The following GTF3C3 variants were observed in gnomAD, a reference collection of about 807,000 sequenced individuals.
GTF3C3 encodes the protein general transcription factor 3C polypeptide 3.
A neutral mutation model predicts 105.2 loss-of-function variants in GTF3C3; 75 were observed. The observed-to-expected ratio is 0.71, with a 90% confidence interval of 0.59 to 0.86. The LOEUF (loss-of-function observed/expected upper bound fraction) is 0.86. GTF3C3 is among the 40% of genes least tolerant of loss of function. The probability of loss-of-function intolerance (pLI) is 0.00; values close to 1 mark genes in which losing one functional copy is unlikely to be tolerated. For missense variants in GTF3C3, 856 were observed against 1,076.5 expected, an observed-to-expected ratio of 0.80 and a Z score of 2.87; for synonymous variants, 335 against 370.4, an observed-to-expected ratio of 0.90 and a Z score of 1.10.
At position 196,775,394 on chromosome 2, in the gene GTF3C3, C is replaced by A. The variant is rs1699243478; in HGVS notation, c.1696-143G>T. On this transcript the variant is annotated intron_variant, in intron 12 of 17. Coordinates refer to ENST00000263956, the MANE Select transcript of GTF3C3 (RefSeq NM_012086.5). The stretch of plus-strand genomic sequence containing the variant: ...CCTTAGCCTCGCAAGTAGCTGGGAC[C>A]ACAGGCACATGCCACCATACCCAGC... 4.4e-5 allele frequency: 26 copies of A among 588,418 alleles called. No homozygotes were observed. In the South Asian group the frequency reaches 8.3e-4, roughly 19 times the overall value. The allele number at this position is 588,418 out of a possible 1,614,324, so 36.4% of individuals were successfully genotyped here. A position where few individuals can be genotyped will look rare whatever the true frequency, so the allele number is the denominator to read the frequency against.
In GTF3C3 at chr2:196,785,479, G is replaced by T; in HGVS notation, c.1003C>A (p.Leu335Ile). 6.2e-7 allele frequency: 1 copy of T among 1,610,372 alleles called. No homozygotes were observed. The highest frequency in any genetic ancestry group is 8.5e-7 in the Non-Finnish European group (1 of 1,177,512). Residue 335 changes from leucine (L) to isoleucine (I), a missense_variant, in exon 7 of 18, where the codon CTA becomes ATA. This residue lies in a region of GTF3C3 where 605 missense variants were observed against 833.6 expected (regional missense o/e 0.73). Transcript: ENST00000263956. ...SMEDVNIAAE[L>I]YISNKQYDKA... Reference sequence around the variant, plus strand: ...TCATACTGTTTGTTAGAAATATATAGTTCAGCTGCTATGTTAACATCTTCC... The same window carrying T: ...TCATACTGTTTGTTAGAAATATATATTTCAGCTGCTATGTTAACATCTTCC...
At position 196,785,529 on chromosome 2, in the gene GTF3C3, G is replaced by T; in HGVS notation, c.953C>A (p.Ser318Ter). ...SAINIIDEAF[S>*]KHQGLVSMED... ...CATGGAGACTAGGCCCTGGTGTTTT[G>T]AGAAAGCTTCATCAATTATGTTAAT... Residue 318 changes from serine to a stop codon, truncating the protein, a stop_gained, in exon 7 of 18, where the codon TCA becomes TAA. Coordinates refer to ENST00000263956, the MANE Select transcript of GTF3C3 (RefSeq NM_012086.5). LOFTEE classifies it high-confidence loss of function. The T allele has an allele frequency of 6.2e-7, 1 of 1,608,200 alleles. No individual in the cohort carries two copies. The highest frequency in any genetic ancestry group is 1.1e-5 in the South Asian group (1 of 90,858).
intron 9 of GTF3C3, chr2:196,780,216 T>TC: frequency 1.7e-6 from 1 of 582,194 alleles, no homozygotes; most frequent in Non-Finnish European, 2.0e-6. Context: ...TGCTAAGTAC[T>TC]TTTTTTTTTT....
intron 4 of GTF3C3, among the ~76,000 whole-genome samples, chr2:196,791,017 A>T (rs1699538368): frequency 6.6e-6 from 1 of 152,316 alleles, no homozygotes; most frequent in East Asian, 1.9e-4. Context: ...TGCATGATCT[A>T]GAAAAGAAAA....
chr2:196,776,231 T>A lies in GTF3C3; in HGVS notation c.1594-120A>T. On this transcript the variant is annotated intron_variant, in intron 11 of 17. Coordinates refer to ENST00000263956, the MANE Select transcript of GTF3C3 (RefSeq NM_012086.5). This position sits in a 1 kb window ranked among gnomAD's most constrained non-coding sequence, Gnocchi z 4.5. The stretch of plus-strand genomic sequence containing the variant: ...ATTGCTTTATGGTCTTTCACAATAA[T>A]TAAGAGCCAATATTTTAAAACTATA... 1.4e-6 allele frequency: 1 copy of A among 697,244 alleles called. No homozygotes were observed. Among genetic ancestry groups the A allele is most frequent in the Middle Eastern group, 3.6e-4 (1 of 2,794 alleles). The allele number at this position is 697,244 out of a possible 1,614,324, so 43.2% of individuals were successfully genotyped here. A position where few individuals can be genotyped will look rare whatever the true frequency, so the allele number is the denominator to read the frequency against.
Position 196,775,247 on chromosome 2 carries a change from G to A in GTF3C3, c.1700C>T (p.Ala567Val). The A allele has an allele frequency of 1.3e-6, 2 of 1,597,904 alleles. No homozygotes were observed. Among genetic ancestry groups the A allele is most frequent in the Non-Finnish European group, 1.7e-6 (2 of 1,174,242 alleles). Residue 567 changes from alanine to valine, a missense_variant, in exon 13 of 18, where the codon GCA (alanine) becomes GTA (valine). Ala to Val is a moderately conservative substitution (Grantham distance 64). Transcript: ENST00000263956. ...CAAACAAACTTGGGCTCGATTCATT[G>A]CTACCTGAATTAAAGATGAAGATTT... ...LTMLAMLLKV[A>V]MNRAQVCLIS...
At chr2:196,795,939 A>G (rs999573228) in intron 2 of GTF3C3, among the ~76,000 whole-genome samples, 1 of 152,238 alleles carries the variant, frequency 6.6e-6, no homozygotes, top group South Asian at 2.1e-4. Flanking sequence ...TGCTGAACAC[A>G]AAGTCAATAT....
intron 10 of GTF3C3, chr2:196,778,485 C>T: frequency 5.6e-6 from 1 of 179,944 alleles, no homozygotes; most frequent in East Asian, 1.5e-4. Context: ...TGATAAAACC[C>T]AATTTTGAGT....
rs146721977 is a variant in GTF3C3 at position 196,787,471 on chromosome 2, C to A, written c.893+1733G>T. ...CCTCTCTGCACTGCTCCCCTTAATT[C>A]TTCAGCTTCCCTAACCATACTTTGC... On this transcript the variant is annotated intron_variant, in intron 6 of 17. Coordinates refer to ENST00000263956, the MANE Select transcript of GTF3C3 (RefSeq NM_012086.5). Among the ~76,000 whole-genome samples, 288 of 152,284 alleles carry A rather than the reference C, an allele frequency of 1.9e-3. 2 individuals are homozygous for A. Among genetic ancestry groups the A allele is most frequent in the African/African-American group, 6.4e-3 (268 of 41,562 alleles).
chr2:196,771,705 C>A, intron 15 of GTF3C3, 43 bp downstream of exon 15: 1 of 1,378,432 alleles, frequency 7.3e-7, no homozygotes, highest in Non-Finnish European at 1.0e-6. Flanking sequence ...GGCTCTTCAC[C>A]ACACTATTTA....
At chr2:196,784,544 A>C (rs1339848554) in intron 8 of GTF3C3, among the ~76,000 whole-genome samples, 1 of 152,186 alleles carries the variant, frequency 6.6e-6, no homozygotes, top group Non-Finnish European at 1.5e-5. Context: ...AAATTGCTTC[A>C]GTGCTAAAAG....
chr2:196,773,925 G>C (rs187287922), intron 13 of GTF3C3, among the ~76,000 whole-genome samples: 4 of 152,342 alleles, frequency 2.6e-5, no homozygotes, highest in African/African-American at 9.6e-5. Context: ...CCTGCTGTGC[G>C]GCCCAGTCCC....
chr2:196,783,990 A>G (rs1461719350), intron 8 of GTF3C3, among the ~76,000 whole-genome samples: 1 of 152,138 alleles, frequency 6.6e-6, no homozygotes, highest in Non-Finnish European at 1.5e-5. Context: ...CTTACTCTCT[A>G]TGAATTAGCA....
rs1699102560 is a variant in GTF3C3 at position 196,768,124 on chromosome 2, T to C, written c.2386-1407A>G. Among the ~76,000 whole-genome samples, 3 of 152,134 alleles carry C rather than the reference T, an allele frequency of 2.0e-5. No individual in the cohort carries two copies. In the South Asian group the frequency reaches 6.2e-4, roughly 32 times the overall value. Reference sequence around the variant, plus strand: ...CCTCCACCTCCTGGGTTCAAGCGACTCTCCTGCCTCAGCCTCCCGAGTAGC... The same window carrying C: ...CCTCCACCTCCTGGGTTCAAGCGACCCTCCTGCCTCAGCCTCCCGAGTAGC... On this transcript the variant is annotated intron_variant, in intron 16 of 17. Coordinates refer to ENST00000263956, the MANE Select transcript of GTF3C3 (RefSeq NM_012086.5).
intron 12 of GTF3C3, 150 bp from the exon 13 acceptor site, chr2:196,775,401 A>G (rs1185303749): frequency 1.8e-6 from 1 of 557,274 alleles, no homozygotes; most frequent in Non-Finnish European, 3.0e-6. Flanking sequence ...GACCACAGGC[A>G]CATGCCACCA....
intron 10 of GTF3C3, chr2:196,778,339 T>G (rs1282955543): frequency 6.6e-6 from 1 of 152,482 alleles, no homozygotes; most frequent in African/African-American, 2.4e-5. Context: ...GTTGACTCTA[T>G]AAGAAATCCT....
intron 8 of GTF3C3, among the ~76,000 whole-genome samples, chr2:196,781,388 A>ATATATATATATATATATAT (rs10522313): frequency 7.9e-6 from 1 of 125,998 alleles, no homozygotes; most frequent in Non-Finnish European, 1.7e-5. Context: ...ATATATATAT[A>ATATATATATATATATATAT]AAATTAAATA....
chr2:196,771,621 G>A (rs925982266), intron 15 of GTF3C3, 127 bp downstream of exon 15: 3 of 612,840 alleles, frequency 4.9e-6, no homozygotes, highest in African/African-American at 1.8e-5. Flanking sequence ...TCAAGAAACT[G>A]AGGCAGGAGG....
chr2:196,770,427 C>G (rs755916319), intron 15 of GTF3C3, among the ~76,000 whole-genome samples: 4 of 152,152 alleles, frequency 2.6e-5, no homozygotes, highest in Admixed American at 1.3e-4. Flanking sequence ...ATCAACTGAT[C>G]TGTTTTATAA....
Sources: allele counts gnomAD v4.1 joint callset (sites outside exome capture counted in the v4.1 genomes callset), GRCh38; gene constraint gnomAD v4.1.1; regional missense constraint gnomAD v4.1.1; non-coding constraint Gnocchi (gnomAD v3.1); transcripts MANE v1.5; gene names NCBI Gene and HGNC (gene_info 2026-07-23, HGNC 2026-07-21).